The following DGCR2 variants were observed in gnomAD, a reference collection of about 807,000 sequenced individuals.
DGCR2 encodes the protein integral membrane protein DGCR2/IDD.
DGCR2 carries 24 observed loss-of-function variants against 51.6 expected under a neutral mutation model. The observed-to-expected ratio is 0.47, with a 90% CI of 0.34 to 0.65. The LOEUF (loss-of-function observed/expected upper bound fraction) is 0.65, where lower values mean the gene tolerates loss of function less well. Among genes scored for constraint, DGCR2 ranks in the 30% least tolerant of loss-of-function variants. The probability of loss-of-function intolerance (pLI) is 0.01; values close to 1 mark genes in which losing one functional copy is unlikely to be tolerated. For synonymous variants in DGCR2, 340 were observed against 315.4 expected (o/e 1.08, Z -0.82); for missense variants, 765 against 772.1 (o/e 0.99, Z 0.11).
rs186116798 is a variant in DGCR2, at chr22:19,094,104, C to T, written c.80-4614G>A. Among the ~76,000 whole-genome samples, 5 of 152,314 alleles carry T rather than the reference C, an allele frequency of 3.3e-5. No homozygotes were observed. In the East Asian group the frequency reaches 7.7e-4, roughly 24 times the overall value. Reference sequence around the variant, plus strand: ...GCTAGCAAGCACATGAAAAGATGCTCAACGTCTAGTCATTAAGGAAATGCA... The same window carrying T: ...GCTAGCAAGCACATGAAAAGATGCTTAACGTCTAGTCATTAAGGAAATGCA... On this transcript the variant is annotated intron_variant, in intron 1 of 9. Transcript: ENST00000263196.
Position 19,048,486 on chromosome 22 carries a change from G to A in DGCR2, c.960C>T (p.Tyr320=). 1 of 1,614,208 alleles carries A rather than the reference G, an allele frequency of 6.2e-7. No homozygotes were observed. Among genetic ancestry groups the A allele is most frequent in the Non-Finnish European group, 8.5e-7 (1 of 1,180,042 alleles). The change falls in exon 7 of 10, where the codon TAC becomes TAT. Residue 320 remains tyrosine, a synonymous_variant. Transcript: ENST00000263196. ...TGCAGCACTCTTTGGGGTCCTTGCG[G>A]TACTGTTGGCAGCCCTGGGGCCTCT... is the stretch of plus-strand genomic sequence containing the variant. ...LCERPQGCQQ[Y]RKDPKECCKF...
At chr22:19,122,085 G>C in intron 1 of DGCR2, 43 bp downstream of exon 1, 1 of 1,399,884 alleles carries the variant, frequency 7.1e-7, no homozygotes, top group East Asian at 3.2e-5. Context: ...CCCCGGCCCC[G>C]CTCGCCGCCC....
At chr22:19,065,247 A>G in intron 3 of DGCR2, 180 bp from the exon 4 acceptor site, 1 of 600,464 alleles carries the variant, frequency 1.7e-6, no homozygotes. Flanking sequence ...AAGTTTCTCT[A>G]AAACACAGAT....
At chr22:19,063,883 C>G (rs1488347134) in intron 4 of DGCR2, among the ~76,000 whole-genome samples, 1 of 152,168 alleles carries the variant, frequency 6.6e-6, no homozygotes, top group African/African-American at 2.4e-5. Context: ...CAGGGCACTC[C>G]ACAGGGGAGA....
At chr22:19,070,229 T>C (rs2082798975) in intron 2 of DGCR2, among the ~76,000 whole-genome samples, 2 of 152,138 alleles carry the variant, frequency 1.3e-5, no homozygotes, top group Admixed American at 1.3e-4. Context: ...CATCAGCACT[T>C]GGTGGAGAAG....
At chr22:19,079,803 G>C (rs769039684) in intron 2 of DGCR2, among the ~76,000 whole-genome samples, 3 of 152,264 alleles carry the variant, frequency 2.0e-5, no homozygotes, top group Non-Finnish European at 4.4e-5. Flanking sequence ...ACATACAGCA[G>C]AGCTGGCTGC....
At chr22:19,102,665 G>A (rs1433432195) in intron 1 of DGCR2, among the ~76,000 whole-genome samples, 1 of 151,004 alleles carries the variant, frequency 6.6e-6, no homozygotes. Context: ...CTGCACCACT[G>A]TACTCCAGCC....
At chr22:19,115,279 G>A (rs1443082793) in intron 1 of DGCR2, among the ~76,000 whole-genome samples, 1 of 152,226 alleles carries the variant, frequency 6.6e-6, no homozygotes, top group East Asian at 1.9e-4. Context: ...CCGGCTTGCT[G>A]GGGTCCCTCC....
In DGCR2 at chr22:19,057,422, G is replaced by A. The variant is rs1393670280; in HGVS notation, c.626-260C>T. 1.3e-5 allele frequency among the ~76,000 whole-genome samples: 2 copies of A among 152,244 alleles called. No individual in the cohort carries two copies. The highest frequency in any genetic ancestry group is 1.5e-5 in the Non-Finnish European group (1 of 68,046). The stretch of plus-strand genomic sequence containing the variant: ...AAACCCTGGGTAGCAGTAAGTGCCA[G>A]CCTGAGCACCAGAAGAGGGTGCTGG... On this transcript the variant is annotated intron_variant, in intron 5 of 9. Transcript: ENST00000263196. The surrounding 1 kb of genome is among the most constrained non-coding windows in gnomAD (Gnocchi z 5.1).
chr22:19,042,722 G>C (rs1410128234), intron 7 of DGCR2, among the ~76,000 whole-genome samples: 1 of 152,184 alleles, frequency 6.6e-6, no homozygotes, highest in Admixed American at 6.5e-5. Context: ...AGAAGTGACA[G>C]TATAAGGTAC....
At chr22:19,083,722 C>CTCCCT (rs1569070548) in intron 2 of DGCR2, among the ~76,000 whole-genome samples, 57 of 109,778 alleles carry the variant, frequency 5.2e-4, no homozygotes, top group African/African-American at 2.0e-3. Flanking sequence ...TCCCTCTCCC[C>CTCCCT]ACGGTCTCCC....
intron 1 of DGCR2, among the ~76,000 whole-genome samples, chr22:19,107,431 TAAC>T (rs2146043777): frequency 6.6e-6 from 1 of 152,318 alleles, no homozygotes; most frequent in East Asian, 1.9e-4. Context: ...TTCTCATAAA[TAAC>T]AAGCATTTTC....
At chr22:19,060,736 C>G (rs1307031631) in intron 5 of DGCR2, 1 of 357,640 alleles carries the variant, frequency 2.8e-6, no homozygotes, top group Non-Finnish European at 5.5e-6. Flanking sequence ...AGTTCTGTCT[C>G]CAGGGCACAT....
chr22:19,090,000 A>G (rs535448518), intron 1 of DGCR2, among the ~76,000 whole-genome samples: 1 of 152,362 alleles, frequency 6.6e-6, no homozygotes, highest in African/African-American at 2.4e-5. Flanking sequence ...TATGGCCTGC[A>G]AAGCTGAAAA....
intron 6 of DGCR2, 74 bp from the exon 7 acceptor site, chr22:19,048,717 C>A: frequency 6.7e-7 from 1 of 1,497,436 alleles, no homozygotes; most frequent in Non-Finnish European, 9.2e-7. Context: ...GGCCACACTG[C>A]CAAAAAAGGT....
intron 6 of DGCR2, 137 bp downstream of exon 6, chr22:19,056,849 C>A: frequency 1.0e-6 from 1 of 972,052 alleles, no homozygotes; most frequent in South Asian, 1.8e-5. Flanking sequence ...GCCCCAAGAA[C>A]AAGGTGTGAG....
chr22:19,078,788 T>A (rs1460615562), intron 2 of DGCR2, among the ~76,000 whole-genome samples: 1 of 152,242 alleles, frequency 6.6e-6, no homozygotes, highest in East Asian at 1.9e-4. Context: ...GAGGATTTTG[T>A]ATCAATATTC....
intron 2 of DGCR2, among the ~76,000 whole-genome samples, chr22:19,087,977 C>T (rs916977938): frequency 6.6e-6 from 1 of 152,214 alleles, no homozygotes; most frequent in African/African-American, 2.4e-5. Flanking sequence ...AGCCTTCGCA[C>T]CCTGCCTAAA....
intron 6 of DGCR2, chr22:19,056,633 TG>T: frequency 1.4e-5 from 5 of 369,652 alleles, no homozygotes; most frequent in South Asian, 4.2e-5. Context: ...ATGGCAGAAA[TG>T]GGGGGTGGGG....
Sources: allele counts gnomAD v4.1 joint callset (sites outside exome capture counted in the v4.1 genomes callset), GRCh38; gene constraint gnomAD v4.1.1; non-coding constraint Gnocchi (gnomAD v3.1); transcripts MANE v1.5; gene names NCBI Gene and HGNC (gene_info 2026-07-23, HGNC 2026-07-21).